The following TRIM55 variants were observed in gnomAD, a reference collection of about 807,000 sequenced individuals.
TRIM55 encodes tripartite motif containing 55.
TRIM55 carries 50 observed loss-of-function variants against 60.9 expected under a neutral mutation model. The observed-to-expected ratio is 0.82, with a 90% CI of 0.65 to 1.04. The LOEUF is 1.04. TRIM55 is among the 50% of genes least tolerant of loss of function. TRIM55 has a pLI of 0.00. For missense variants in TRIM55, 681 were observed against 666.9 expected, an observed-to-expected ratio of 1.02 and a Z score of -0.23; for synonymous variants, 237 against 238.1, an observed-to-expected ratio of 1.00 and a Z score of 0.04.
At chr8:66,117,089 A>T in the TRIM55 span, among the ~76,000 whole-genome samples, 1 of 152,274 alleles carries the variant, frequency 6.6e-6, no homozygotes, top group Non-Finnish European at 1.5e-5. Flanking sequence ...ACCAAAGTCA[A>T]CATCCATTCC....
rs779793313 is a variant in TRIM55, at chr8:66,137,167, G to A, written c.580G>A (p.Glu194Lys). 2.5e-6 allele frequency: 4 copies of A among 1,614,004 alleles called. No individual in the cohort carries two copies. In the East Asian group the frequency reaches 8.9e-5, roughly 36 times the overall value. Residue 194 changes from glutamate (E) to lysine (K), a missense_variant, in exon 4 of 10, where the codon GAA (glutamate) becomes AAA (lysine). Physicochemically the swap from Glu to Lys is moderately conservative, Grantham distance 56. Transcript: ENST00000315962. ...DRVQGVISQL[E>K]DTCKTIEECC... ...AGTCCAGGGAGTGATCAGCCAGCTGGAAGACACCTGCAAAACTATCGAGGT... is the reference window on the plus strand; with the variant it reads ...AGTCCAGGGAGTGATCAGCCAGCTGAAAGACACCTGCAAAACTATCGAGGT...
the TRIM55 span, among the ~76,000 whole-genome samples, chr8:66,120,026 C>T: frequency 1.3e-5 from 2 of 152,028 alleles, no homozygotes; most frequent in East Asian, 3.9e-4. Context: ...GCTCTGTGCT[C>T]AAAAGATGTG....
intron 2 of TRIM55, among the ~76,000 whole-genome samples, chr8:66,128,897 C>A: frequency 6.6e-6 from 1 of 152,230 alleles, no homozygotes; most frequent in Non-Finnish European, 1.5e-5. Flanking sequence ...TGGCATCTTC[C>A]GAAGTAGCCC....
upstream of TRIM55, among the ~76,000 whole-genome samples, chr8:66,124,177 C>T (rs990000347): frequency 1.3e-5 from 2 of 152,172 alleles, no homozygotes; most frequent in African/African-American, 2.4e-5. Flanking sequence ...CAGGGCTTCG[C>T]GACCTCTCAC....
intron 2 of TRIM55, among the ~76,000 whole-genome samples, chr8:66,130,228 C>T (rs575786704): frequency 6.6e-6 from 1 of 152,310 alleles, no homozygotes; most frequent in Admixed American, 6.5e-5. Context: ...GTACCCAGGC[C>T]TGGGAAGTAA....
chr8:66,168,417 G>T (rs1315880310), intron 9 of TRIM55, among the ~76,000 whole-genome samples: 1 of 152,194 alleles, frequency 6.6e-6, no homozygotes, highest in Non-Finnish European at 1.5e-5. Flanking sequence ...GCGGGCCAAT[G>T]CTTGGGCTTG....
At chr8:66,132,091 G>A (rs1809192377) in intron 2 of TRIM55, among the ~76,000 whole-genome samples, 3 of 152,208 alleles carry the variant, frequency 2.0e-5, no homozygotes, top group Non-Finnish European at 4.4e-5. Flanking sequence ...GAGACCAGAA[G>A]AGGTTAAGTA....
rs140968356 is a variant in TRIM55 at position 66,135,038 on chromosome 8, G to A, written c.390G>A (p.Glu130=). 8.1e-6 allele frequency: 13 copies of A among 1,614,114 alleles called. No individual in the cohort carries two copies. The highest frequency in any genetic ancestry group is 1.0e-5 in the Non-Finnish European group (12 of 1,180,056). Residue 130 remains glutamate, a synonymous_variant, in exon 3 of 10, where the codon GAG becomes GAA. Coordinates refer to ENST00000315962, the MANE Select transcript of TRIM55 (RefSeq NM_184085.2). The part of the protein sequence containing the change: ...DQPMCEEHEE[E]RINIYCLNCE... ...CCATGTGCGAGGAACATGAAGAGGA[G>A]CGCATCAACATCTACTGTCTGAACT...
At chr8:66,114,642 G>A in the TRIM55 span, 6 of 456,230 alleles carry the variant, frequency 1.3e-5, no homozygotes, top group Non-Finnish European at 2.6e-5. Context: ...ACTTGGAAAC[G>A]GACGCTGATT....
chr8:66,169,238 ATGCATTT>A (rs1811487746), intron 9 of TRIM55, among the ~76,000 whole-genome samples: 1 of 152,130 alleles, frequency 6.6e-6, no homozygotes, highest in African/African-American at 2.4e-5. Context: ...GTGGGGTGAG[ATGCATTT>A]GGGGTAAAGG....
intron 9 of TRIM55, among the ~76,000 whole-genome samples, chr8:66,165,891 A>T (rs1811303293): frequency 2.6e-5 from 4 of 152,140 alleles, no homozygotes; most frequent in Admixed American, 2.6e-4. Flanking sequence ...TGAGACCTTT[A>T]CATTAACATT....
chr8:66,163,015 C>T (rs2128984702), intron 9 of TRIM55, among the ~76,000 whole-genome samples: 1 of 152,144 alleles, frequency 6.6e-6, no homozygotes, highest in East Asian at 1.9e-4. Flanking sequence ...AGTGAATTAC[C>T]TTAATACTTT....
chr8:66,127,533 A>C, intron 1 of TRIM55, 97 bp downstream of exon 1: 1 of 1,455,234 alleles, frequency 6.9e-7, no homozygotes, highest in Non-Finnish European at 9.4e-7. Flanking sequence ...CCTTTAAAAA[A>C]CTTTATAAGG....
chr8:66,128,404 A>T lies in TRIM55; in HGVS notation c.269A>T (p.His90Leu). Residue 90 changes from histidine to leucine, a missense_variant, in exon 2 of 10, where the codon CAT becomes CTT. By Grantham distance (99) the His-to-Leu change is moderately conservative (BLOSUM62 -3). Transcript: ENST00000315962. Reference sequence around the variant, plus strand: ...AGACATGAAGTGGTTTTGGATAGACATGGGGTATATGGACTTCAGAGGAAC... The same window carrying T: ...AGACATGAAGTGGTTTTGGATAGACTTGGGGTATATGGACTTCAGAGGAAC... Reference protein sequence around the residue: ...SCRHEVVLDRHGVYGLQRNLL... With the variant: ...SCRHEVVLDRLGVYGLQRNLL... 2 of 1,613,908 alleles carry T rather than the reference A, an allele frequency of 1.2e-6. No homozygotes were observed. The highest frequency in any genetic ancestry group is 1.7e-6 in the Non-Finnish European group (2 of 1,179,914).
chr8:66,130,850 A>T (rs1257185062), intron 2 of TRIM55, among the ~76,000 whole-genome samples: 1 of 151,482 alleles, frequency 6.6e-6, no homozygotes, highest in Non-Finnish European at 1.5e-5. Flanking sequence ...TTTAGTAGAG[A>T]TGGGGTTTCA....
chr8:66,154,900 G>A (rs1455340718), intron 9 of TRIM55, among the ~76,000 whole-genome samples: 1 of 152,222 alleles, frequency 6.6e-6, no homozygotes, highest in Non-Finnish European at 1.5e-5. Context: ...ACTCCTGGGA[G>A]TGGAAAAGCA....
At chr8:66,146,430 G>A (rs969191589) in intron 4 of TRIM55, among the ~76,000 whole-genome samples, 2 of 152,118 alleles carry the variant, frequency 1.3e-5, no homozygotes, top group Admixed American at 6.5e-5. Context: ...GAGTACACTA[G>A]ATTACACATG....
chr8:66,154,749 C>T (rs1231965143), intron 9 of TRIM55, among the ~76,000 whole-genome samples: 2 of 152,196 alleles, frequency 1.3e-5, no homozygotes, highest in Non-Finnish European at 2.9e-5. Context: ...TTGTGTCATT[C>T]CCAGCAACCC....
intron 8 of TRIM55, 56 bp downstream of exon 8, chr8:66,152,683 T>C: frequency 1.9e-6 from 3 of 1,562,306 alleles, no homozygotes; most frequent in South Asian, 2.4e-5. Flanking sequence ...CCTTATGGAA[T>C]AGCCTAAACA....
Sources: allele counts gnomAD v4.1 joint callset (sites outside exome capture counted in the v4.1 genomes callset), GRCh38; gene constraint gnomAD v4.1.1; transcripts MANE v1.5; gene names NCBI Gene and HGNC (gene_info 2026-07-23, HGNC 2026-07-21).